TEFM: variants seen among roughly 807,000 people sequenced by gnomAD.
TEFM encodes the protein transcription elongation factor of mitochondria.
Under a neutral mutation model 23.0 loss-of-function variants are expected in TEFM, and 14 were observed. The ratio of observed to expected loss-of-function variants is 0.61; its 90% CI spans 0.40 to 0.95. TEFM has a LOEUF of 0.95. Ranked by LOEUF, TEFM falls within the 40% of genes least tolerant of loss-of-function variation. The pLI, the probability that TEFM is intolerant of heterozygous loss-of-function variation, is 0.00. For missense variants in TEFM, 386 were observed against 425.5 expected (o/e 0.91, Z 0.82); for synonymous variants, 155 against 158.3 (o/e 0.98, Z 0.16).
At chr17:30,904,620 A>T (rs1910127043) in intron 1 of TEFM, 91 bp from the exon 2 acceptor site, 1 of 831,660 alleles carries the variant, frequency 1.2e-6, no homozygotes, top group African/African-American at 1.7e-5. Flanking sequence ...CAAAGTCACA[A>T]ATACTTTCCT....
Position 30,903,545 on chromosome 17 carries a change from A to G in TEFM, c.495+521T>C, listed in dbSNP as rs1373548843. Reference sequence around the variant, plus strand: ...TTTTTTTTTTTTTTTAATCTTACCTATAGACTTGCATGATTCAAGATAAAA... The same window carrying G: ...TTTTTTTTTTTTTTTAATCTTACCTGTAGACTTGCATGATTCAAGATAAAA... On this transcript the variant is annotated intron_variant, in intron 2 of 3. Transcript: ENST00000581216. 2.1e-5 allele frequency among the ~76,000 whole-genome samples: 3 copies of G among 143,512 alleles called. No homozygotes were observed. The Admixed American group carries it at 2.1e-4, about 10-fold the overall frequency. 94.1% of individuals were successfully genotyped at this position (143,512 alleles called of 152,430 possible).
At position 30,899,295 on chromosome 17, in the gene TEFM, T is replaced by A; in HGVS notation, c.957A>T (p.Ser319=). 1 of 1,614,262 alleles carries A rather than the reference T, an allele frequency of 6.2e-7. No homozygotes were observed. Among genetic ancestry groups the A allele is most frequent in the Non-Finnish European group, 8.5e-7 (1 of 1,180,046 alleles). Residue 319 remains serine, a synonymous_variant, in exon 4 of 4, where the codon TCA becomes TCT. Transcript: ENST00000581216. ...LKADPRVFFP[S]DKIVHYRQMF... ...TCTGTCTGTAGTGAACTATTTTATCTGATGGGAAGAACACCCGAGGATCCG... is the reference window on the plus strand; with the variant it reads ...TCTGTCTGTAGTGAACTATTTTATCAGATGGGAAGAACACCCGAGGATCCG...
At position 30,899,489 on chromosome 17, in the gene TEFM, C is replaced by T. The variant is rs201170896; in HGVS notation, c.763G>A (p.Ala255Thr). Reference protein sequence around the residue: ...PILLHFHIMEAMLYALLNKTF... With the variant: ...PILLHFHIMETMLYALLNKTF... ...TTATTTAATAAGGCATACAGCATGG[C>T]TTCCATGATATGAAAATGTAACAGT... The change falls in exon 4 of 4, where the codon GCC becomes ACC. Residue 255 changes from alanine (A) to threonine (T), a missense_variant. Coordinates refer to ENST00000581216, the MANE Select transcript of TEFM (RefSeq NM_024683.4). 1,582 of 1,614,070 alleles carry T rather than the reference C, an allele frequency of 9.8e-4. 26 individuals carry two copies. In the South Asian group the frequency reaches 0.011, roughly 12 times the overall value.
At chr17:30,902,199 T>C (rs1300627403) in intron 2 of TEFM, among the ~76,000 whole-genome samples, 2 of 152,244 alleles carry the variant, frequency 1.3e-5, no homozygotes, top group Admixed American at 1.3e-4. Flanking sequence ...CAAACTAATA[T>C]GTTCTATAGA....
Position 30,899,138 on chromosome 17 carries a change from A to G in TEFM, c.*31T>C. On this transcript the variant is annotated 3_prime_UTR_variant, in exon 4 of 4. Transcript: ENST00000581216. ...CAGTTGGTGTTACGTTAGAGCTAATAATTATACTTTAGCACGTTAACCTCA... is the reference window on the plus strand; with the variant it reads ...CAGTTGGTGTTACGTTAGAGCTAATGATTATACTTTAGCACGTTAACCTCA... 6.6e-7 allele frequency: 1 copy of G among 1,510,634 alleles called. No individual in the cohort carries two copies. Among genetic ancestry groups the G allele is most frequent in the Non-Finnish European group, 8.9e-7 (1 of 1,124,744 alleles). 93.6% of individuals were successfully genotyped at this position (1,510,634 alleles called of 1,614,324 possible).
At chr17:30,903,351 C>G (rs1401171680) in intron 2 of TEFM, among the ~76,000 whole-genome samples, 1 of 149,962 alleles carries the variant, frequency 6.7e-6, no homozygotes, top group Non-Finnish European at 1.5e-5. Flanking sequence ...CTCAGCCTCC[C>G]GAGTAGCTGG....
rs757807705 is a variant in TEFM, at chr17:30,900,539, G to A, written c.519C>T (p.Ile173=). 1.9e-5 allele frequency: 31 copies of A among 1,613,768 alleles called. 1 individual carries two copies. Among genetic ancestry groups the A allele is most frequent in the Admixed American group, 1.7e-4 (10 of 59,922 alleles). ...RLKAVNSIIS[I]VFGTRRIAWA... is the part of the protein sequence containing the mutation. The stretch of plus-strand genomic sequence containing the variant: ...AGGCAATTCTTCGAGTACCAAAAAC[G>A]ATAGATATGATACTATTAACTGCCT... Residue 173 remains isoleucine (I), a synonymous_variant, in exon 3 of 4, where the codon ATC becomes ATT. Coordinates refer to ENST00000581216, the MANE Select transcript of TEFM (RefSeq NM_024683.4).
At position 30,899,142 on chromosome 17, in the gene TEFM, A is replaced by T. The variant is rs752644062; in HGVS notation, c.*27T>A. The T allele has an allele frequency of 2.6e-6, 4 of 1,523,854 alleles. No homozygotes were observed. The African/African-American group carries it at 5.5e-5, about 21-fold the overall frequency. 94.4% of individuals were successfully genotyped at this position (1,523,854 alleles called of 1,614,324 possible). A position where few individuals can be genotyped will look rare whatever the true frequency, so the allele number is the denominator to read the frequency against. On this transcript the variant is annotated 3_prime_UTR_variant, in exon 4 of 4. Transcript: ENST00000581216. ...TGGTGTTACGTTAGAGCTAATAATT[A>T]TACTTTAGCACGTTAACCTCAGAAT...
intron 2 of TEFM, among the ~76,000 whole-genome samples, chr17:30,902,520 T>C (rs1423132463): frequency 2.0e-5 from 3 of 152,200 alleles, no homozygotes; most frequent in African/African-American, 4.8e-5. Flanking sequence ...TGGGTATAAA[T>C]AGTTTTGGCC....
In TEFM at chr17:30,899,613, A is replaced by T. The variant is rs1045478743; in HGVS notation, c.646-7T>A. The stretch of plus-strand genomic sequence containing the variant: ...TTGAAATGATCGAGGAAATCTTTTT[A>T]AAAAAAGACAAAATAAAGGAACAGA... On this transcript the variant is annotated splice_region_variant and splice_polypyrimidine_tract_variant and intron_variant, in intron 3 of 3. Transcript: ENST00000581216. The T allele has an allele frequency of 3.4e-6, 5 of 1,482,196 alleles. 1 individual carries two copies. Among genetic ancestry groups the T allele is most frequent in the Non-Finnish European group, 4.5e-6 (5 of 1,110,858 alleles). The allele number at this position is 1,482,196 out of a possible 1,614,324, so 91.8% of individuals were successfully genotyped here. A position where few individuals can be genotyped will look rare whatever the true frequency, so the allele number is the denominator to read the frequency against.
At position 30,906,205 on chromosome 17, in the gene TEFM, G is replaced by C; in HGVS notation, c.-7C>G. Reference sequence around the variant, plus strand: ...AGAGGACAGACCCGCTCATCTCCAAGTTGAATCAGTAGGTCCAGTCTTCCT... The same window carrying C: ...AGAGGACAGACCCGCTCATCTCCAACTTGAATCAGTAGGTCCAGTCTTCCT... On this transcript the variant is annotated 5_prime_UTR_variant, in exon 1 of 4. Transcript: ENST00000581216. The C allele has an allele frequency of 1.2e-6, 2 of 1,614,268 alleles. No homozygotes were observed. The highest frequency in any genetic ancestry group is 2.2e-5 in the South Asian group (2 of 91,088).
rs536108700 is a variant in TEFM at position 30,903,975 on chromosome 17, T to C, written c.495+91A>G. On this transcript the variant is annotated intron_variant, in intron 2 of 3. Transcript: ENST00000581216. ...TGCCAACTAAACCTGAAGAACCCTGTCTTAGCCACTTCCCAACCCAATGCC... is the reference window on the plus strand; with the variant it reads ...TGCCAACTAAACCTGAAGAACCCTGCCTTAGCCACTTCCCAACCCAATGCC... 7.9e-6 allele frequency: 9 copies of C among 1,135,866 alleles called. No individual in the cohort carries two copies. The East Asian group carries it at 2.0e-4, about 25-fold the overall frequency. 70.4% of individuals were successfully genotyped at this position (1,135,866 alleles called of 1,614,324 possible).
intron 2 of TEFM, 146 bp downstream of exon 2, chr17:30,903,920 C>A: frequency 1.5e-6 from 1 of 653,244 alleles, no homozygotes; most frequent in South Asian, 2.2e-5. Flanking sequence ...ACTATCTGTA[C>A]ATCTCATTAT....
Position 30,899,234 on chromosome 17 carries a change from G to C in TEFM, c.1018C>G (p.Leu340Val). ...ATAGCTTGTAATAATGAATCATAAA[G>C]CTCTTCTACTCTTTGTAGTTCAGTA... ...LSTELQRVEE[L>V]YDSLLQAIAF... is the part of the protein sequence containing the mutation. The change falls in exon 4 of 4, where the codon CTT (leucine) becomes GTT (valine). Residue 340 changes from leucine (L) to valine (V), a missense_variant. Coordinates refer to ENST00000581216, the MANE Select transcript of TEFM (RefSeq NM_024683.4). 2 of 1,613,288 alleles carry C rather than the reference G, an allele frequency of 1.2e-6. No individual in the cohort carries two copies. The highest frequency in any genetic ancestry group is 2.7e-5 in the African/African-American group (2 of 75,012).
chr17:30,906,192 C>G lies in TEFM; in HGVS notation c.7G>C (p.Gly3Arg). ...CCTCCCGCCGTGAAGAGGACAGACC[C>G]GCTCATCTCCAAGTTGAATCAGTAG... MS[G>R]SVLFTAGERW... is the part of the protein sequence containing the mutation. The change falls in exon 1 of 4, where the codon GGG becomes CGG. Residue 3 changes from glycine to arginine, a missense_variant. Gly to Arg is a moderately radical substitution (Grantham distance 125). Transcript: ENST00000581216. The G allele has an allele frequency of 2.5e-6, 4 of 1,614,262 alleles. No homozygotes were observed. The highest frequency in any genetic ancestry group is 3.4e-6 in the Non-Finnish European group (4 of 1,180,044).
rs760498412 is a variant in TEFM at position 30,900,443 on chromosome 17, T to G, written c.615A>C (p.Gly205=). 10 of 1,614,026 alleles carry G rather than the reference T, an allele frequency of 6.2e-6. No individual in the cohort carries two copies. The Admixed American group carries it at 1.5e-4, about 24-fold the overall frequency. The change falls in exon 3 of 4, where the codon GGA becomes GGC. Residue 205 remains glycine (G), a synonymous_variant. Coordinates refer to ENST00000581216, the MANE Select transcript of TEFM (RefSeq NM_024683.4). The part of the protein sequence containing the change: ...QQSDRWSLMR[G]IYSSSVYLEE... ...CTAAATAGACTGATGATGAGTATAT[T>G]CCTCTCATTAAACTCCAACGGTCAC...
Position 30,899,271 on chromosome 17 carries a change from C to T in TEFM, c.981G>A (p.Gln327=), listed in dbSNP as rs759001005. 9.9e-6 allele frequency: 16 copies of T among 1,614,170 alleles called. No individual in the cohort carries two copies. Among genetic ancestry groups the T allele is most frequent in the Admixed American group, 6.7e-5 (4 of 60,024 alleles). ...FPSDKIVHYR[Q]MFLSTELQRV... ...TTTGTAGTTCAGTAGATAAAAACAT[C>T]TGTCTGTAGTGAACTATTTTATCTG... The change falls in exon 4 of 4, where the codon CAG becomes CAA. Residue 327 remains glutamine, a synonymous_variant. Coordinates refer to ENST00000581216, the MANE Select transcript of TEFM (RefSeq NM_024683.4).
At position 30,904,154 on chromosome 17, in the gene TEFM, G is replaced by C. The variant is rs779211987; in HGVS notation, c.407C>G (p.Pro136Arg). ...CTTTCTTTTTTCCCGTCCAGTCTTT[G>C]GACAAAGTATGGAGTTACAAACTTG... ...TVQVCNSILC[P>R]KTGREKRKSP... The change falls in exon 2 of 4, where the codon CCA (proline) becomes CGA (arginine). Residue 136 changes from proline (P) to arginine (R), a missense_variant. Physicochemically the swap from Pro to Arg is moderately radical, Grantham distance 103. Transcript: ENST00000581216. 7 of 1,613,974 alleles carry C rather than the reference G, an allele frequency of 4.3e-6. No individual in the cohort carries two copies. The highest frequency in any genetic ancestry group is 1.3e-5 in the African/African-American group (1 of 74,902).
At chr17:30,899,667 C>T in intron 3 of TEFM, 61 bp from the exon 4 acceptor site, 1 of 1,089,868 alleles carries the variant, frequency 9.2e-7, no homozygotes. Context: ...ATGTTTGGTC[C>T]CCTCTCTGTC....
Sources: gnomAD v4.1 joint callset for allele counts (sites outside exome capture counted in the v4.1 genomes callset) on GRCh38, gnomAD v4.1.1 for gene constraint, MANE v1.5 for transcripts, NCBI Gene and HGNC (gene_info 2026-07-23, HGNC 2026-07-21) for gene names.